SLC67A1: variants seen among roughly 807,000 people sequenced by gnomAD.
SLC67A1 encodes solute carrier family 67 member A1.
chr11:2,918,049 C>T, the SLC67A1 span: 229 of 1,613,696 alleles, frequency 1.4e-4, no homozygotes, highest in Non-Finnish European at 1.7e-4. Context: ...GGCTGCCAGA[C>T]GTCCCGAGGA....
the SLC67A1 span, among the ~76,000 whole-genome samples, chr11:2,907,136 G>T: frequency 2.7e-5 from 4 of 150,582 alleles, no homozygotes; most frequent in Non-Finnish European, 4.4e-5. This position sits in a 1 kb window ranked among gnomAD's most constrained non-coding sequence, Gnocchi z 6.7. Flanking sequence ...GCTCTGGGGA[G>T]AATTCGTGTG....
chr11:2,925,031 C>T, the SLC67A1 span: 3 of 1,612,690 alleles, frequency 1.9e-6, no homozygotes, highest in South Asian at 1.1e-5. This position sits in a 1 kb window ranked among gnomAD's most constrained non-coding sequence, Gnocchi z 6.5. Context: ...GGCCTCTGCG[C>T]CTCTGTACAA....
chr11:2,914,218 G>C, the SLC67A1 span, among the ~76,000 whole-genome samples: 26 of 152,222 alleles, frequency 1.7e-4, no homozygotes, highest in Non-Finnish European at 3.8e-4. Flanking sequence ...AAATTAACCT[G>C]TCCCCACCTT....
At chr11:2,908,389 G>T in the SLC67A1 span, 2 of 1,329,020 alleles carry the variant, frequency 1.5e-6, no homozygotes, top group Non-Finnish European at 2.1e-6. Flanking sequence ...CCTCTCAGAC[G>T]CCATGGGCTC....
At chr11:2,914,593 C>T in the SLC67A1 span, 100 of 526,236 alleles carry the variant, frequency 1.9e-4, no homozygotes, top group African/African-American at 2.0e-3. Flanking sequence ...CCTCCAGGGT[C>T]CCCCAGCCCC....
At chr11:2,899,694 TC>T in the SLC67A1 span, 1 of 1,511,918 alleles carries the variant, frequency 6.6e-7, no homozygotes, top group African/African-American at 1.4e-5. Context: ...ACCAGGAAGT[TC>T]CCCCATTCAC....
the SLC67A1 span, chr11:2,916,950 CAGGCAGGGAGGCCCAGAG>C: frequency 1.4e-5 from 8 of 580,838 alleles, no homozygotes; most frequent in Admixed American, 1.6e-4. Context: ...GGGGCTCCGG[CAGGCAGGGAGGCCCAGAG>C]AGGCAGGAAG....
chr11:2,921,896 G>A, the SLC67A1 span: 1 of 598,644 alleles, frequency 1.7e-6, no homozygotes, highest in South Asian at 2.0e-5. Context: ...ACTCCTCAGG[G>A]ATCTCAGACC....
At chr11:2,909,403 G>A in the SLC67A1 span, 2 of 1,489,370 alleles carry the variant, frequency 1.3e-6, no homozygotes, top group Non-Finnish European at 1.8e-6. Context: ...GTCGGGGGCA[G>A]CCTGCGGAGG....
the SLC67A1 span, among the ~76,000 whole-genome samples, chr11:2,913,420 GCTT>G: frequency 6.6e-6 from 1 of 152,196 alleles, no homozygotes; most frequent in South Asian, 2.1e-4. Flanking sequence ...GCAGGAGGGA[GCTT>G]GTGGTTTGGT....
the SLC67A1 span, chr11:2,917,934 G>T: frequency 7.1e-7 from 1 of 1,414,572 alleles, no homozygotes; most frequent in Non-Finnish European, 9.7e-7. Context: ...GCCGGGCGAG[G>T]GGTGGGCATT....
the SLC67A1 span, chr11:2,922,031 G>A: frequency 5.1e-6 from 6 of 1,170,060 alleles, no homozygotes; most frequent in East Asian, 7.0e-5. Context: ...AGCTTTGGGG[G>A]CTGGCCACAG....
chr11:2,918,751 G>A, the SLC67A1 span, among the ~76,000 whole-genome samples: 4 of 152,026 alleles, frequency 2.6e-5, no homozygotes, highest in Non-Finnish European at 4.4e-5. Flanking sequence ...AGGCTGGAGT[G>A]CAGTGGTATG....
the SLC67A1 span, chr11:2,914,763 A>G: frequency 2.0e-6 from 2 of 985,390 alleles, no homozygotes; most frequent in Non-Finnish European, 2.4e-6. Flanking sequence ...TCTGGCAAAT[A>G]AGGCAGGTTT....
chr11:2,900,822 G>T, the SLC67A1 span, among the ~76,000 whole-genome samples: 1 of 151,776 alleles, frequency 6.6e-6, no homozygotes, highest in Non-Finnish European at 1.5e-5. Context: ...CTCCTGGACC[G>T]CAAGGGGAAG....
At chr11:2,913,512 C>A in the SLC67A1 span, among the ~76,000 whole-genome samples, 1 of 152,130 alleles carries the variant, frequency 6.6e-6, no homozygotes, top group African/African-American at 2.4e-5. Flanking sequence ...GCCAGAGGGG[C>A]CTTTAGGACC....
At chr11:2,911,985 C>T in the SLC67A1 span, among the ~76,000 whole-genome samples, 6 of 152,222 alleles carry the variant, frequency 3.9e-5, no homozygotes, top group African/African-American at 7.2e-5. Flanking sequence ...ACAATCTTGA[C>T]GTTTCATAAT....
At chr11:2,905,587 T>A in the SLC67A1 span, among the ~76,000 whole-genome samples, 1 of 152,342 alleles carries the variant, frequency 6.6e-6, no homozygotes, top group East Asian at 1.9e-4. Flanking sequence ...TGATGGACAT[T>A]TGGGTTGGTT....
At chr11:2,916,154 C>T in the SLC67A1 span, 1 of 155,118 alleles carries the variant, frequency 6.4e-6, no homozygotes, top group Non-Finnish European at 1.4e-5. Flanking sequence ...CTGCTGAATG[C>T]CAGGCCCACC....
Sources: allele counts gnomAD v4.1 joint callset (sites outside exome capture counted in the v4.1 genomes callset), GRCh38; gene constraint gnomAD v4.1.1; non-coding constraint Gnocchi (gnomAD v3.1); transcripts MANE v1.5; gene names NCBI Gene and HGNC (gene_info 2026-07-23, HGNC 2026-07-21).